The following TTC7B variants were observed in gnomAD, a reference collection of about 807,000 sequenced individuals.
TTC7B encodes tetratricopeptide repeat domain 7B, also known as tetratricopeptide repeat protein 7B.
A neutral mutation model predicts 106.8 loss-of-function variants in TTC7B; 28 were observed. That is an observed-to-expected ratio of 0.26 (90% CI 0.19 to 0.36). The LOEUF is 0.36. Ranked by LOEUF, TTC7B falls within the 10% of genes least tolerant of loss-of-function variation. The pLI is 1.00. For missense variants in TTC7B, 862 were observed against 1,076.4 expected (o/e 0.80, Z 2.79); for synonymous variants, 405 against 430.6 (o/e 0.94, Z 0.74).
At chr14:90,814,011 C>A (rs141713274) in intron 1 of TTC7B, among the ~76,000 whole-genome samples, 33 of 152,362 alleles carry the variant, frequency 2.2e-4, no homozygotes, top group African/African-American at 7.2e-4. Context: ...TGAGCACTCA[C>A]TCTGTCTGAT....
chr14:90,658,437 A>G, intron 9 of TTC7B, 50 bp from the exon 10 acceptor site: 1 of 1,512,014 alleles, frequency 6.6e-7, no homozygotes, highest in Non-Finnish European at 9.2e-7. Context: ...CACTGGTGCC[A>G]CAACTGCACA....
At chr14:90,766,825 C>G (rs1890697232) in intron 3 of TTC7B, 1 of 1,593,966 alleles carries the variant, frequency 6.3e-7, no homozygotes, top group African/African-American at 1.3e-5. Flanking sequence ...TAGCCAGGTC[C>G]TAGCCAATGG....
intron 15 of TTC7B, among the ~76,000 whole-genome samples, chr14:90,641,254 G>A (rs1885158373): frequency 6.6e-6 from 1 of 152,188 alleles, no homozygotes; most frequent in South Asian, 2.1e-4. Flanking sequence ...ACGCTGGAGG[G>A]ACCAGCTGCT....
chr14:90,792,526 G>A (rs1363929650), intron 1 of TTC7B, among the ~76,000 whole-genome samples: 1 of 152,156 alleles, frequency 6.6e-6, no homozygotes, highest in Non-Finnish European at 1.5e-5. Flanking sequence ...GCAGTGAGCT[G>A]AGATTGTGCC....
At chr14:90,601,958 A>G (rs578228773) in intron 17 of TTC7B, 1 of 342,690 alleles carries the variant, frequency 2.9e-6, no homozygotes, top group East Asian at 7.8e-5. Context: ...TGGCAGGGAA[A>G]TCTCTTTTAT....
intron 1 of TTC7B, among the ~76,000 whole-genome samples, chr14:90,786,863 G>A (rs1264718001): frequency 6.6e-6 from 1 of 152,172 alleles, no homozygotes; most frequent in African/African-American, 2.4e-5. Flanking sequence ...TTACAGGCAT[G>A]AGCCACTGCG....
intron 5 of TTC7B, chr14:90,699,514 G>A: frequency 3.3e-6 from 1 of 303,088 alleles, no homozygotes. Context: ...AATATCACCT[G>A]TCATTGTCGT....
At chr14:90,666,728 C>T (rs1256159259) in intron 9 of TTC7B, among the ~76,000 whole-genome samples, 2 of 152,094 alleles carry the variant, frequency 1.3e-5, no homozygotes, top group East Asian at 3.9e-4. Flanking sequence ...AGCAATACTG[C>T]TCCAAGCAGG....
chr14:90,610,905 C>T, intron 16 of TTC7B, 66 bp from the exon 17 acceptor site: 1 of 1,030,928 alleles, frequency 9.7e-7, no homozygotes, highest in Admixed American at 1.7e-5. Context: ...AGAGAGGCAA[C>T]CAATACTGAC....
At chr14:90,691,913 G>C (rs1245187288) in intron 6 of TTC7B, among the ~76,000 whole-genome samples, 1 of 152,042 alleles carries the variant, frequency 6.6e-6, no homozygotes, top group Admixed American at 6.6e-5. Flanking sequence ...ATGCTTTCTG[G>C]CTCCATGGAT....
intron 3 of TTC7B, among the ~76,000 whole-genome samples, chr14:90,754,755 C>T (rs950382663): frequency 4.6e-5 from 7 of 152,252 alleles, no homozygotes; most frequent in African/African-American, 1.2e-4. Context: ...TCCCAGCCCC[C>T]GGGAACCGCC....
At chr14:90,811,756 C>T (rs547762513) in intron 1 of TTC7B, among the ~76,000 whole-genome samples, 40 of 152,376 alleles carry the variant, frequency 2.6e-4, no homozygotes, top group South Asian at 1.9e-3. Context: ...AGGCAATGAT[C>T]TCCTAAGGGA....
chr14:90,708,170 A>T (rs951599323), intron 5 of TTC7B, among the ~76,000 whole-genome samples: 7 of 146,386 alleles, frequency 4.8e-5, no homozygotes, highest in Admixed American at 2.7e-4. Context: ...AAAAAAAAAA[A>T]GTGCAAGGTG....
chr14:90,718,998 C>T (rs1314731618), intron 5 of TTC7B, among the ~76,000 whole-genome samples: 7 of 151,990 alleles, frequency 4.6e-5, no homozygotes, highest in African/African-American at 1.5e-4. Flanking sequence ...CAGTGGCTTG[C>T]GCCTGTAATC....
chr14:90,797,453 G>A (rs2029953235), intron 1 of TTC7B, among the ~76,000 whole-genome samples: 1 of 150,472 alleles, frequency 6.6e-6, no homozygotes, highest in Non-Finnish European at 1.5e-5. Context: ...GTGAGACTTA[G>A]TCTAAAGAAA....
chr14:90,659,115 G>A (rs748261797), intron 9 of TTC7B, among the ~76,000 whole-genome samples: 3 of 152,210 alleles, frequency 2.0e-5, no homozygotes, highest in Non-Finnish European at 2.9e-5. Flanking sequence ...GGAAGCATGC[G>A]GGGACTGGGG....
chr14:90,643,606 C>T (rs1354879884), intron 15 of TTC7B, among the ~76,000 whole-genome samples: 1 of 152,044 alleles, frequency 6.6e-6, no homozygotes, highest in Admixed American at 6.6e-5. Context: ...GAGACGGAAT[C>T]TCGCTCTGTC....
intron 9 of TTC7B, among the ~76,000 whole-genome samples, chr14:90,674,859 T>G (rs1464213399): frequency 2.0e-5 from 3 of 152,206 alleles, no homozygotes; most frequent in African/African-American, 7.2e-5. Context: ...GCAATGTGAC[T>G]AGGGGAGTGA....
At chr14:90,618,262 G>T (rs140725425) in intron 15 of TTC7B, among the ~76,000 whole-genome samples, 157 of 152,360 alleles carry the variant, frequency 1.0e-3, no homozygotes, top group African/African-American at 3.6e-3. Context: ...CAAGCACGAT[G>T]TGACTATTTG....
Sources: gnomAD v4.1 joint callset for allele counts (sites outside exome capture counted in the v4.1 genomes callset) on GRCh38, gnomAD v4.1.1 for gene constraint, MANE v1.5 for transcripts, NCBI Gene and HGNC (gene_info 2026-07-23, HGNC 2026-07-21) for gene names.